CDH12: variants seen among roughly 807,000 people sequenced by gnomAD.
CDH12 encodes the protein cadherin-12.
CDH12 carries 41 observed loss-of-function variants against 74.1 expected under a neutral mutation model. The observed-to-expected ratio is 0.55, with a 90% CI of 0.43 to 0.72. CDH12 has a LOEUF of 0.72. Among genes scored for constraint, CDH12 ranks in the 30% least tolerant of loss-of-function variants. The probability of loss-of-function intolerance (pLI) is 0.00; values close to 1 mark genes in which losing one functional copy is unlikely to be tolerated. For synonymous variants in CDH12, 399 were observed against 355.0 expected, an observed-to-expected ratio of 1.12 and a Z score of -1.39; for missense variants, 945 against 977.2, an observed-to-expected ratio of 0.97 and a Z score of 0.44.
intron 1 of CDH12, among the ~76,000 whole-genome samples, chr5:22,597,245 A>G (rs1736646985): frequency 6.6e-6 from 1 of 152,216 alleles, no homozygotes; most frequent in African/African-American, 2.4e-5. Flanking sequence ...CAGTTTAAAC[A>G]GTTTGGATAA....
intron 2 of CDH12, among the ~76,000 whole-genome samples, chr5:22,424,183 T>A (rs1743794528): frequency 6.6e-6 from 1 of 152,072 alleles, no homozygotes; most frequent in Non-Finnish European, 1.5e-5. Context: ...TTCTTCCTCC[T>A]TGTGTGCCTA....
chr5:22,186,199 C>G (rs1220254562), intron 4 of CDH12, among the ~76,000 whole-genome samples: 1 of 152,156 alleles, frequency 6.6e-6, no homozygotes, highest in Non-Finnish European at 1.5e-5. Flanking sequence ...CTGCCTCTTT[C>G]AAAGTCAATT....
At chr5:21,886,285 G>GT (rs34186334) in intron 6 of CDH12, among the ~76,000 whole-genome samples, 125 of 151,128 alleles carry the variant, frequency 8.3e-4, no homozygotes, top group Non-Finnish European at 1.1e-3. Context: ...AATGAAGTAT[G>GT]TTTTTTTTCA....
chr5:22,681,172 G>A (rs1263879792), intron 1 of CDH12, among the ~76,000 whole-genome samples: 7 of 150,886 alleles, frequency 4.6e-5, no homozygotes, highest in South Asian at 2.1e-4. Context: ...GAAATTATAC[G>A]TTTTTGTACA....
intron 4 of CDH12, among the ~76,000 whole-genome samples, chr5:22,084,650 A>G (rs891230474): frequency 2.6e-5 from 4 of 152,154 alleles, no homozygotes; most frequent in Admixed American, 6.5e-5. Context: ...CTATAACACT[A>G]CAGTCCTTCA....
At chr5:22,259,641 G>C (rs1753442398) in intron 3 of CDH12, among the ~76,000 whole-genome samples, 1 of 151,826 alleles carries the variant, frequency 6.6e-6, no homozygotes. Flanking sequence ...CCAGTGCTTT[G>C]CATAAATATA....
At chr5:22,150,987 G>A (rs930926313) in intron 4 of CDH12, among the ~76,000 whole-genome samples, 30 of 152,200 alleles carry the variant, frequency 2.0e-4, no homozygotes, top group African/African-American at 7.2e-4. Flanking sequence ...CTTAGCTGAG[G>A]GGATAAAAAG....
intron 2 of CDH12, among the ~76,000 whole-genome samples, chr5:22,480,137 G>T (rs1746327319): frequency 6.6e-6 from 1 of 152,064 alleles, no homozygotes; most frequent in Non-Finnish European, 1.5e-5. Context: ...GCAGATATTA[G>T]ACTTAAGCAA....
intron 5 of CDH12, among the ~76,000 whole-genome samples, chr5:22,070,733 G>C (rs1256503134): frequency 6.6e-6 from 1 of 152,074 alleles, no homozygotes; most frequent in Non-Finnish European, 1.5e-5. Flanking sequence ...TTCACATTCT[G>C]TGAAGAATGT....
intron 4 of CDH12, among the ~76,000 whole-genome samples, chr5:22,161,379 G>A (rs1580342633): frequency 6.6e-6 from 1 of 152,092 alleles, no homozygotes; most frequent in East Asian, 1.9e-4. Context: ...GTATCATATT[G>A]CAAGAATAAT....
intron 6 of CDH12, among the ~76,000 whole-genome samples, chr5:21,925,295 C>T (rs1754537819): frequency 6.6e-6 from 1 of 152,164 alleles, no homozygotes; most frequent in African/African-American, 2.4e-5. Flanking sequence ...TTTTCAAGTC[C>T]TCCCTCAAAC....
intron 2 of CDH12, among the ~76,000 whole-genome samples, chr5:22,472,526 A>G (rs1376540085): frequency 2.0e-5 from 3 of 152,174 alleles, no homozygotes; most frequent in Non-Finnish European, 4.4e-5. Flanking sequence ...AGACGTGTTA[A>G]GCTGGATTTC....
intron 3 of CDH12, among the ~76,000 whole-genome samples, chr5:22,247,251 C>T (rs980268881): frequency 2.6e-5 from 4 of 152,162 alleles, no homozygotes; most frequent in African/African-American, 9.7e-5. Flanking sequence ...CCAGTAAATA[C>T]ACAGTTACTT....
chr5:22,080,692 CTTTT>C (rs368025431), intron 4 of CDH12, among the ~76,000 whole-genome samples: 1 of 151,320 alleles, frequency 6.6e-6, no homozygotes, highest in Non-Finnish European at 1.5e-5. Context: ...AGGAAGGTAT[CTTTT>C]TTTTTATCAC....
intron 8 of CDH12, among the ~76,000 whole-genome samples, chr5:21,830,227 A>G: frequency 6.7e-6 from 1 of 149,814 alleles, no homozygotes; most frequent in African/African-American, 2.5e-5. Flanking sequence ...AAAAAAAAAA[A>G]AAAGAAATGC....
At chr5:22,574,342 A>C (rs1739678792) in intron 1 of CDH12, among the ~76,000 whole-genome samples, 1 of 151,950 alleles carries the variant, frequency 6.6e-6, no homozygotes, top group African/African-American at 2.4e-5. Context: ...CCTCTTATCT[A>C]AAATTCATCA....
At chr5:21,901,721 A>G (rs1753394718) in intron 6 of CDH12, among the ~76,000 whole-genome samples, 1 of 152,104 alleles carries the variant, frequency 6.6e-6, no homozygotes, top group African/African-American at 2.4e-5. Flanking sequence ...ACCACTTTGA[A>G]CTCCCAAGCA....
intron 3 of CDH12, among the ~76,000 whole-genome samples, chr5:22,388,547 T>G (rs1742099103): frequency 6.6e-6 from 1 of 152,110 alleles, no homozygotes; most frequent in South Asian, 2.1e-4. Context: ...AAAAAGACAT[T>G]TTAATGTCTT....
At chr5:22,014,085 A>AG (rs1054747107) in intron 5 of CDH12, among the ~76,000 whole-genome samples, 4 of 152,048 alleles carry the variant, frequency 2.6e-5, no homozygotes, top group African/African-American at 9.7e-5. Flanking sequence ...AAATTAGCCA[A>AG]GTGTGGTGGC....
Sources: gnomAD v4.1 joint callset for allele counts (sites outside exome capture counted in the v4.1 genomes callset) on GRCh38, gnomAD v4.1.1 for gene constraint, MANE v1.5 for transcripts, NCBI Gene and HGNC (gene_info 2026-07-23, HGNC 2026-07-21) for gene names.